The following SGPL1 variants were observed in gnomAD, a reference collection of about 807,000 sequenced individuals.
SGPL1 encodes SP-lyase 1.
SGPL1 carries 37 observed loss-of-function variants against 68.9 expected under a neutral mutation model. That is an observed-to-expected ratio of 0.54 (90% CI 0.41 to 0.71). The LOEUF (loss-of-function observed/expected upper bound fraction) is 0.71. Ranked by LOEUF, SGPL1 falls within the 30% of genes least tolerant of loss-of-function variation. The pLI, the probability that SGPL1 is intolerant of heterozygous loss-of-function variation, is 0.00. For missense variants in SGPL1, 551 were observed against 704.6 expected (o/e 0.78, Z 2.47); for synonymous variants, 236 against 248.5 (o/e 0.95, Z 0.47).
chr10:70,857,345 G>A (rs148389553), intron 5 of SGPL1: 297 of 375,470 alleles, frequency 7.9e-4, no homozygotes, highest in African/African-American at 5.8e-3. Context: ...TTGAGGATGA[G>A]GACAACATTA....
intron 2 of SGPL1, among the ~76,000 whole-genome samples, chr10:70,824,342 A>G (rs775261155): frequency 1.3e-5 from 2 of 152,232 alleles, no homozygotes; most frequent in African/African-American, 2.4e-5. Context: ...TAGAAGCCAG[A>G]TTGGTATTTT....
chr10:70,830,188 G>C (rs1176353036), intron 2 of SGPL1, among the ~76,000 whole-genome samples: 1 of 152,178 alleles, frequency 6.6e-6, no homozygotes, highest in Non-Finnish European at 1.5e-5. Context: ...GAACACAAAT[G>C]GAACTGTTAG....
rs1008148969 is a variant in SGPL1, at chr10:70,878,900, G to A, written c.*1565G>A. 1 of 152,738 alleles carries A rather than the reference G, an allele frequency of 6.5e-6. No homozygotes were observed. 9.5% of individuals were successfully genotyped at this position (152,738 alleles called of 1,614,324 possible). ...GCGAGCAGCCTATGGCCCAGGGCCT[G>A]TAATCCCTTCCCAAGACTAGCTGCT... On this transcript the variant is annotated 3_prime_UTR_variant, in exon 15 of 15. Transcript: ENST00000373202.
intron 2 of SGPL1, among the ~76,000 whole-genome samples, chr10:70,827,298 A>G (rs1032809710): frequency 1.4e-4 from 22 of 152,140 alleles, no homozygotes; most frequent in South Asian, 4.2e-4. Flanking sequence ...ATGTTTACCA[A>G]CCACTTGGAT....
At chr10:70,861,928 C>G (rs550556694) in intron 7 of SGPL1, among the ~76,000 whole-genome samples, 13 of 152,376 alleles carry the variant, frequency 8.5e-5, no homozygotes, top group East Asian at 1.9e-4. Flanking sequence ...CCTCCCACCC[C>G]CTCCGTGGGC....
chr10:70,850,979 T>TA lies in SGPL1; in HGVS notation c.194-163dup, dbSNP rs577363908. Reference sequence around the variant, plus strand: ...TTTTGAACCATGTAAATATAGTACTTATTCACAAACTTAAATTTAAAAGTT... The same window carrying TA: ...TTTTGAACCATGTAAATATAGTACTTAATTCACAAACTTAAATTTAAAAGTT... On this transcript the variant is annotated intron_variant, in intron 3 of 14. Transcript: ENST00000373202. Among the ~76,000 whole-genome samples the TA allele has an allele frequency of 3.3e-5, 5 of 152,328 alleles. No individual in the cohort carries two copies. The South Asian group carries it at 1.0e-3, about 32-fold the overall frequency.
rs1589475935 is a variant in SGPL1, at chr10:70,871,977, C to T, written c.1050C>T (p.Asp350=). 4 of 1,614,092 alleles carry T rather than the reference C, an allele frequency of 2.5e-6. No individual in the cohort carries two copies. Among genetic ancestry groups the T allele is most frequent in the Non-Finnish European group, 2.5e-6 (3 of 1,179,990 alleles). Residue 350 remains aspartate, a synonymous_variant, in exon 11 of 15, where the codon GAC becomes GAT. Coordinates refer to ENST00000373202, the MANE Select transcript of SGPL1 (RefSeq NM_003901.4). ...AAGGTGTAACCAGCATTTCAGCTGACACCCATAAGGTGAGCTAAGGAGGAG... is the reference window on the plus strand; with the variant it reads ...AAGGTGTAACCAGCATTTCAGCTGATACCCATAAGGTGAGCTAAGGAGGAG... ...RVKGVTSISA[D]THKYGYAPKG...
rs1294944226 is a variant in SGPL1 at position 70,815,970 on chromosome 10, G to T, written c.-200G>T. 6.6e-6 allele frequency: 1 copy of T among 151,492 alleles called. No individual in the cohort carries two copies. The highest frequency in any genetic ancestry group is 6.6e-5 in the Admixed American group (1 of 15,204). 9.4% of individuals were successfully genotyped at this position (151,492 alleles called of 1,614,324 possible). A position where few individuals can be genotyped will look rare whatever the true frequency, so the allele number is the denominator to read the frequency against. On this transcript the variant is annotated 5_prime_UTR_variant, in exon 1 of 15. Transcript: ENST00000373202. ...GCCATTTCCGGGAGGGGCGAGGCCGGCGGCTGCCGGGCCTCCAATCTCGGC... is the reference window on the plus strand; with the variant it reads ...GCCATTTCCGGGAGGGGCGAGGCCGTCGGCTGCCGGGCCTCCAATCTCGGC...
At chr10:70,854,882 T>C in intron 5 of SGPL1, 27 bp downstream of exon 5, 1 of 1,551,848 alleles carries the variant, frequency 6.4e-7, no homozygotes, top group South Asian at 1.3e-5. Flanking sequence ...ATACATGCTC[T>C]CTACTTCCTT....
chr10:70,824,816 G>C (rs1274966031), intron 2 of SGPL1, among the ~76,000 whole-genome samples: 1 of 152,030 alleles, frequency 6.6e-6, no homozygotes, highest in East Asian at 1.9e-4. Context: ...GCTCCCTGTA[G>C]GACAGCTATA....
At chr10:70,846,167 C>T (rs1012087502) in intron 3 of SGPL1, among the ~76,000 whole-genome samples, 5 of 152,178 alleles carry the variant, frequency 3.3e-5, no homozygotes, top group Non-Finnish European at 5.9e-5. Context: ...AGTTGCTGCT[C>T]CTAGTCCTTG....
At chr10:70,851,276 CTAAACCT>C in intron 4 of SGPL1, 66 bp downstream of exon 4, 1 of 1,310,892 alleles carries the variant, frequency 7.6e-7, no homozygotes, top group East Asian at 2.3e-5. Flanking sequence ...TTTCTATTTA[CTAAACCT>C]AATATTCTCA....
At chr10:70,847,019 A>G (rs1845802058) in intron 3 of SGPL1, among the ~76,000 whole-genome samples, 1 of 152,216 alleles carries the variant, frequency 6.6e-6, no homozygotes, top group African/African-American at 2.4e-5. Flanking sequence ...TTAGTGGTCA[A>G]AAAGGAATAT....
chr10:70,834,005 C>T (rs529602604), intron 2 of SGPL1, among the ~76,000 whole-genome samples: 1 of 152,032 alleles, frequency 6.6e-6, no homozygotes, highest in East Asian at 1.9e-4. Flanking sequence ...GTGACTGGGC[C>T]CTGACTTTTA....
chr10:70,873,573 C>T lies in SGPL1; in HGVS notation c.1282C>T (p.Arg428Cys), dbSNP rs1157900784. The stretch of plus-strand genomic sequence containing the variant: ...TACCAAACAGATCATCAAAACTGCT[C>T]GCTTCCTCAAGTCAGAGTATGTGTG... ...EATKQIIKTARFLKSELENIK... is the reference protein window; with the variant it reads ...EATKQIIKTACFLKSELENIK... The change falls in exon 12 of 15, where the codon CGC becomes TGC. Residue 428 changes from arginine to cysteine, a missense_variant. Coordinates refer to ENST00000373202, the MANE Select transcript of SGPL1 (RefSeq NM_003901.4). 6.8e-6 allele frequency: 11 copies of T among 1,612,734 alleles called. No homozygotes were observed. The highest frequency in any genetic ancestry group is 1.6e-4 in the Middle Eastern group (1 of 6,074).
intron 2 of SGPL1, among the ~76,000 whole-genome samples, chr10:70,839,911 A>T (rs1461619465): frequency 6.6e-6 from 1 of 151,946 alleles, no homozygotes; most frequent in Non-Finnish European, 1.5e-5. Context: ...AAAAAAAATA[A>T]AAATTGCAAA....
chr10:70,824,924 T>C (rs1469558295), intron 2 of SGPL1, among the ~76,000 whole-genome samples: 9 of 151,726 alleles, frequency 5.9e-5, no homozygotes, highest in Non-Finnish European at 5.9e-5. Flanking sequence ...CACCAAGTTA[T>C]CCTAAAAAAT....
chr10:70,832,577 G>A (rs1338555708), intron 2 of SGPL1, among the ~76,000 whole-genome samples: 1 of 152,064 alleles, frequency 6.6e-6, no homozygotes, highest in African/African-American at 2.4e-5. Context: ...TGAGAAATAC[G>A]GGATCTTTTC....
At chr10:70,823,563 G>GAAA (rs139852875) in intron 2 of SGPL1, among the ~76,000 whole-genome samples, 1 of 83,470 alleles carries the variant, frequency 1.2e-5, no homozygotes. Context: ...ACTTTATATT[G>GAAA]AAAAAAAAAA....
Sources: gnomAD v4.1 joint callset for allele counts (sites outside exome capture counted in the v4.1 genomes callset) on GRCh38, gnomAD v4.1.1 for gene constraint, MANE v1.5 for transcripts, NCBI Gene and HGNC (gene_info 2026-07-23, HGNC 2026-07-21) for gene names.